Variants in TNRC6A observed in about 807,000 individuals in gnomAD.
TNRC6A encodes the protein trinucleotide repeat containing adaptor 6A, also known as trinucleotide repeat-containing gene 6A protein.
A neutral mutation model predicts 221.2 loss-of-function variants in TNRC6A; 44 were observed. That is an observed-to-expected ratio of 0.20 (90% CI 0.16 to 0.26). The LOEUF (loss-of-function observed/expected upper bound fraction) is 0.26. Ranked by LOEUF, TNRC6A falls within the 10% of genes least tolerant of loss-of-function variation. The pLI, the probability that TNRC6A is intolerant of heterozygous loss-of-function variation, is 1.00. For synonymous variants in TNRC6A, 847 were observed against 838.5 expected (o/e 1.01, Z -0.18); for missense variants, 2,199 against 2,404.4 (o/e 0.91, Z 1.79).
chr16:24,743,724 T>G (rs1432403056), intron 2 of TNRC6A, among the ~76,000 whole-genome samples: 1 of 152,220 alleles, frequency 6.6e-6, no homozygotes, highest in Non-Finnish European at 1.5e-5. Context: ...TTAATCACAT[T>G]TACTTTATTC....
At chr16:24,623,685 G>C (rs1260687422) in intron 1 of TNRC6A, among the ~76,000 whole-genome samples, 1 of 151,766 alleles carries the variant, frequency 6.6e-6, no homozygotes, top group Non-Finnish European at 1.5e-5. Context: ...GAGTCCAGGA[G>C]TTCAAGATCA....
chr16:24,694,530 C>G (rs1458167387), intron 2 of TNRC6A, among the ~76,000 whole-genome samples: 1 of 151,864 alleles, frequency 6.6e-6, no homozygotes, highest in African/African-American at 2.4e-5. Context: ...CAGCTTGTGC[C>G]TGTAGTCCCA....
intron 1 of TNRC6A, among the ~76,000 whole-genome samples, chr16:24,633,717 C>A (rs1269647753): frequency 6.6e-6 from 1 of 151,200 alleles, no homozygotes; most frequent in Admixed American, 6.6e-5. Context: ...TGTTTGTTTT[C>A]TGTGCCTCCA....
intron 1 of TNRC6A, among the ~76,000 whole-genome samples, chr16:24,622,930 A>G (rs947856184): frequency 2.0e-5 from 3 of 152,238 alleles, no homozygotes; most frequent in South Asian, 4.1e-4. Flanking sequence ...AGAAAGACAC[A>G]GTTGATCATT....
intron 2 of TNRC6A, among the ~76,000 whole-genome samples, chr16:24,717,117 A>C (rs1490249391): frequency 6.6e-6 from 1 of 152,064 alleles, no homozygotes. Flanking sequence ...AGGGCCTCAC[A>C]ATGTTGCCCA....
chr16:24,745,795 T>TACCCC, intron 2 of TNRC6A, among the ~76,000 whole-genome samples: 1 of 118,524 alleles, frequency 8.4e-6, no homozygotes, highest in Non-Finnish European at 1.7e-5. Context: ...GTATGTACCA[T>TACCCC]CCCCCCCCCC....
Position 24,741,189 on chromosome 16 carries a change from C to T in TNRC6A, c.54-9537C>T, listed in dbSNP as rs559712068. ...CTGACTGGAACCTCGAGCTCAGTGTCGAATAGGAAGTGGCAAGATCAGACA... is the reference window on the plus strand; with the variant it reads ...CTGACTGGAACCTCGAGCTCAGTGTTGAATAGGAAGTGGCAAGATCAGACA... On this transcript the variant is annotated intron_variant, in intron 2 of 24. Transcript: ENST00000395799. 1.6e-4 allele frequency among the ~76,000 whole-genome samples: 25 copies of T among 152,230 alleles called. No homozygotes were observed. In the South Asian group the frequency reaches 5.2e-3, roughly 32 times the overall value.
intron 5 of TNRC6A, among the ~76,000 whole-genome samples, chr16:24,781,628 C>T (rs1450538723): frequency 6.6e-6 from 1 of 152,032 alleles, no homozygotes; most frequent in Non-Finnish European, 1.5e-5. Flanking sequence ...GATGTTGGGC[C>T]CCTCAAAACT....
At chr16:24,755,465 TTTG>T (rs2057230697) in intron 3 of TNRC6A, among the ~76,000 whole-genome samples, 1 of 152,252 alleles carries the variant, frequency 6.6e-6, no homozygotes, top group Non-Finnish European at 1.5e-5. Context: ...TATGTCAGGC[TTTG>T]TCCTAAGTGC....
At chr16:24,732,376 C>T (rs1237084569) in intron 2 of TNRC6A, among the ~76,000 whole-genome samples, 1 of 152,200 alleles carries the variant, frequency 6.6e-6, no homozygotes, top group Non-Finnish European at 1.5e-5. Flanking sequence ...TGGGACTGGG[C>T]ACTAAGCCAG....
intron 2 of TNRC6A, chr16:24,665,003 G>C: frequency 2.2e-6 from 1 of 456,310 alleles, no homozygotes; most frequent in Non-Finnish European, 4.4e-6. Flanking sequence ...CAGAGGGGCA[G>C]GATTTGAAGT....
At chr16:24,806,091 G>GATGGCA in intron 15 of TNRC6A, 115 bp from the exon 16 acceptor site, 1 of 1,092,440 alleles carries the variant, frequency 9.2e-7, no homozygotes, top group African/African-American at 1.6e-5. Flanking sequence ...TGCTAGACAT[G>GATGGCA]TTGGCATTGG....
intron 3 of TNRC6A, among the ~76,000 whole-genome samples, chr16:24,752,072 T>C (rs923976647): frequency 6.6e-6 from 1 of 152,112 alleles, no homozygotes; most frequent in African/African-American, 2.4e-5. Flanking sequence ...TCTCAAGGCT[T>C]TGGGGAAAAT....
rs186464661 is a variant in TNRC6A at position 24,713,587 on chromosome 16, C to G, written n.403-37139C>G. Among the ~76,000 whole-genome samples, 150 of 152,168 alleles carry G rather than the reference C, an allele frequency of 9.9e-4. 2 individuals carry two copies. Among genetic ancestry groups the G allele is most frequent in the Non-Finnish European group, 1.8e-4 (12 of 68,004 alleles). Reference sequence around the variant, plus strand: ...CCTTTACTCTTGGGTCTATAACATGCCTTGTCTCTGGCTACTTTTAAGATT... The same window carrying G: ...CCTTTACTCTTGGGTCTATAACATGGCTTGTCTCTGGCTACTTTTAAGATT... On this transcript the variant is annotated intron_variant and non_coding_transcript_variant, in intron 2 of 2. Coordinates refer to the TNRC6A transcript ENST00000566108.
chr16:24,620,805 G>T (rs1470538021), intron 1 of TNRC6A, among the ~76,000 whole-genome samples: 1 of 151,140 alleles, frequency 6.6e-6, no homozygotes, highest in East Asian at 2.0e-4. Context: ...TGAAACTCCG[G>T]TCAGGCGCAG....
chr16:24,781,608 G>A (rs1000072324), intron 5 of TNRC6A, among the ~76,000 whole-genome samples: 1 of 152,106 alleles, frequency 6.6e-6, no homozygotes, highest in African/African-American at 2.4e-5. Context: ...TCTTCTGGAA[G>A]TCTTCAGCTG....
At chr16:24,772,253 AT>A (rs1450465155) in intron 4 of TNRC6A, among the ~76,000 whole-genome samples, 13 of 152,226 alleles carry the variant, frequency 8.5e-5, no homozygotes, top group Non-Finnish European at 4.4e-5. Context: ...GATGACCAAA[AT>A]TTAGCCTGAC....
At chr16:24,647,066 G>A (rs938383566) in intron 2 of TNRC6A, among the ~76,000 whole-genome samples, 3 of 151,892 alleles carry the variant, frequency 2.0e-5, no homozygotes, top group Admixed American at 1.3e-4. Context: ...CAGTAGCTGG[G>A]ACTACAGGGG....
chr16:24,782,602 G>A (rs898379477), intron 5 of TNRC6A, among the ~76,000 whole-genome samples: 1 of 152,328 alleles, frequency 6.6e-6, no homozygotes, highest in Middle Eastern at 3.4e-3. Context: ...TTGAGGCCGG[G>A]CGTGGTGGCT....
Sources: gnomAD v4.1 joint callset for allele counts (sites outside exome capture counted in the v4.1 genomes callset) on GRCh38, gnomAD v4.1.1 for gene constraint, MANE v1.5 for transcripts, NCBI Gene and HGNC (gene_info 2026-07-23, HGNC 2026-07-21) for gene names.